The following RAB11FIP3 variants were observed in gnomAD, a reference collection of about 807,000 sequenced individuals.
RAB11FIP3 encodes the protein RAB11 family interacting protein 3.
A neutral mutation model predicts 77.8 loss-of-function variants in RAB11FIP3; 17 were observed. The observed-to-expected ratio is 0.22, with a 90% CI of 0.15 to 0.33. The LOEUF (loss-of-function observed/expected upper bound fraction) is 0.33. Ranked by LOEUF, RAB11FIP3 falls within the 10% of genes least tolerant of loss-of-function variation. RAB11FIP3 has a pLI of 1.00. For missense variants in RAB11FIP3, 1,005 were observed against 1,011.2 expected (o/e 0.99, Z 0.08); for synonymous variants, 437 against 448.2 (o/e 0.98, Z 0.31).
At chr16:436,149 A>C (rs1226761133) in intron 1 of RAB11FIP3, among the ~76,000 whole-genome samples, 1 of 152,136 alleles carries the variant, frequency 6.6e-6, no homozygotes, top group East Asian at 1.9e-4. Context: ...TCCCTGCTAA[A>C]AGTACAAAAA....
intron 3 of RAB11FIP3, among the ~76,000 whole-genome samples, chr16:480,434 C>T (rs550948258): frequency 2.0e-5 from 3 of 152,006 alleles, no homozygotes; most frequent in Non-Finnish European, 2.9e-5. Flanking sequence ...AAGCCATTCT[C>T]CTGCTTCAGC....
At chr16:432,277 C>T (rs8051181) in intron 1 of RAB11FIP3, among the ~76,000 whole-genome samples, 152,106 of 152,108 alleles carry the variant, frequency 1, 76,052 homozygotes, top group Non-Finnish European at 1. Context: ...CTTCAGAGGT[C>T]GAGGCAGGAG....
chr16:452,108 G>A (rs189550599), intron 1 of RAB11FIP3, among the ~76,000 whole-genome samples: 3 of 151,866 alleles, frequency 2.0e-5, no homozygotes, highest in East Asian at 1.9e-4. Context: ...TTGAGATCGC[G>A]CCACTGTACT....
intron 2 of RAB11FIP3, among the ~76,000 whole-genome samples, chr16:468,593 G>C (rs541264152): frequency 6.6e-6 from 1 of 152,074 alleles, no homozygotes; most frequent in African/African-American, 2.4e-5. Context: ...CCCTGTCTGC[G>C]TCGAGGAGTG....
chr16:431,699 GAC>G (rs1282390948), intron 1 of RAB11FIP3, among the ~76,000 whole-genome samples: 2 of 151,684 alleles, frequency 1.3e-5, no homozygotes, highest in Non-Finnish European at 2.9e-5. Flanking sequence ...CACAGACATA[GAC>G]ACACAGGTGA....
At position 519,771 on chromosome 16, in the gene RAB11FIP3, G is replaced by A; in HGVS notation, c.1740G>A (p.Leu580=). The A allele has an allele frequency of 6.2e-7, 1 of 1,612,736 alleles. No homozygotes were observed. Among genetic ancestry groups the A allele is most frequent in the Non-Finnish European group, 8.5e-7 (1 of 1,179,698 alleles). ...ERLEEEKQKL[L]DEIESLTLRL... ...CCCTGCAGGAGAAGCAGAAGCTGTT[G>A]GATGAGATAGAGTCGCTGACGCTGC... Residue 580 remains leucine, a synonymous_variant, in exon 11 of 14, where the codon TTG becomes TTA. Coordinates refer to ENST00000262305, the MANE Select transcript of RAB11FIP3 (RefSeq NM_014700.4).
chr16:488,980 C>A lies in RAB11FIP3; in HGVS notation c.1245C>A (p.Asp415Glu). 1 of 1,613,886 alleles carries A rather than the reference C, an allele frequency of 6.2e-7. No homozygotes were observed. The highest frequency in any genetic ancestry group is 8.5e-7 in the Non-Finnish European group (1 of 1,179,916). Reference sequence around the variant, plus strand: ...GCAACGGGCAGCTGGGCTGCAGTGACCCCGCTTTCCTCACGCCCAGGTAAT... The same window carrying A: ...GCAACGGGCAGCTGGGCTGCAGTGAACCCGCTTTCCTCACGCCCAGGTAAT... ...TLCNGQLGCSDPAFLTPSPTK... is the reference protein window; with the variant it reads ...TLCNGQLGCSEPAFLTPSPTK... The change falls in exon 5 of 14, where the codon GAC becomes GAA. Residue 415 changes from aspartate (D) to glutamate (E), a missense_variant. By Grantham distance (45) the Asp-to-Glu change is conservative. Transcript: ENST00000262305.
rs745932166 is a variant in RAB11FIP3 at position 488,880 on chromosome 16, C to T, written c.1145C>T (p.Thr382Met). The T allele has an allele frequency of 1.2e-5, 20 of 1,613,944 alleles. No individual in the cohort carries two copies. The highest frequency in any genetic ancestry group is 5.0e-5 in the Admixed American group (3 of 59,994). Residue 382 changes from threonine to methionine, a missense_variant, in exon 5 of 14, where the codon ACG becomes ATG. Transcript: ENST00000262305. ...RPHPHGQSVI[T>M]VIGGEEHFED... ...CACCCCCATGGCCAGTCTGTCATCACGGTGATCGGGGGCGAGGAGCACTTT... is the reference window on the plus strand; with the variant it reads ...CACCCCCATGGCCAGTCTGTCATCATGGTGATCGGGGGCGAGGAGCACTTT...
At chr16:517,512 G>T (rs915430334) in intron 9 of RAB11FIP3, among the ~76,000 whole-genome samples, 1 of 151,998 alleles carries the variant, frequency 6.6e-6, no homozygotes. Context: ...GGGCTGCAGT[G>T]AGCTGAGATT....
intron 2 of RAB11FIP3, among the ~76,000 whole-genome samples, chr16:468,486 A>T (rs967638571): frequency 2.4e-4 from 36 of 152,080 alleles, no homozygotes; most frequent in Non-Finnish European, 4.3e-4. Flanking sequence ...TAGCATTTAG[A>T]AGAAAGGAAA....
intron 3 of RAB11FIP3, among the ~76,000 whole-genome samples, chr16:475,498 G>A (rs144765153): frequency 1.3e-5 from 2 of 152,310 alleles, no homozygotes; most frequent in African/African-American, 2.4e-5. Context: ...AGCAGGCACC[G>A]TGCTCTGAGG....
At chr16:485,548 G>T (rs1284104153) in intron 4 of RAB11FIP3, among the ~76,000 whole-genome samples, 2 of 152,148 alleles carry the variant, frequency 1.3e-5, no homozygotes, top group Non-Finnish European at 2.9e-5. Flanking sequence ...AGGTAGCTGG[G>T]ATTACAGGCA....
In RAB11FIP3 at chr16:492,467, C is replaced by T. The variant is rs1283593821; in HGVS notation, c.1265+3467C>T. ...CCGCCCAGGGCCCTTCCCGGGGAGA[C>T]CCGAGGCCGCCCAGGGCCCTCCCGG... On this transcript the variant is annotated intron_variant, in intron 5 of 13. Transcript: ENST00000262305. Among the ~76,000 whole-genome samples the T allele has an allele frequency of 2.4e-4, 28 of 119,078 alleles. 1 individual carries two copies. Among genetic ancestry groups the T allele is most frequent in the Non-Finnish European group, 4.4e-4 (22 of 50,308 alleles). 78.1% of individuals were successfully genotyped at this position (119,078 alleles called of 152,430 possible).
At chr16:449,799 A>C (rs1348822040) in intron 1 of RAB11FIP3, among the ~76,000 whole-genome samples, 1 of 151,990 alleles carries the variant, frequency 6.6e-6, no homozygotes, top group Non-Finnish European at 1.5e-5. Flanking sequence ...TAAAAATACA[A>C]AATTAGCCGT....
chr16:512,242 T>C (rs1190558918), intron 9 of RAB11FIP3, among the ~76,000 whole-genome samples: 1 of 94,420 alleles, frequency 1.1e-5, no homozygotes, highest in Admixed American at 1.1e-4. Flanking sequence ...TTTTTTTGGG[T>C]GGGGGTGGGT....
At chr16:491,285 T>G (rs1478364821) in intron 5 of RAB11FIP3, 1 of 1,301,038 alleles carries the variant, frequency 7.7e-7, no homozygotes, top group African/African-American at 1.5e-5. Context: ...GACCAGCGCC[T>G]GGCCTTGCTG....
Position 520,598 on chromosome 16 carries a change from A to G in RAB11FIP3, c.2156A>G (p.Glu719Gly). 2 of 1,613,134 alleles carry G rather than the reference A, an allele frequency of 1.2e-6. No individual in the cohort carries two copies. Among genetic ancestry groups the G allele is most frequent in the Non-Finnish European group, 8.5e-7 (1 of 1,179,798 alleles). Residue 719 changes from glutamate to glycine, a missense_variant and splice_region_variant, in exon 13 of 14, where the codon GAG becomes GGG. Transcript: ENST00000262305. ...AAEISSVSRD[E>G]LMEAIQKQEE... The stretch of plus-strand genomic sequence containing the variant: ...GAGATCAGCTCCGTCTCCCGAGATG[A>G]GGTAACACATCCCGTGTCTGCACGG...
At chr16:510,103 C>T (rs1273038942) in intron 8 of RAB11FIP3, among the ~76,000 whole-genome samples, 1 of 150,050 alleles carries the variant, frequency 6.7e-6, no homozygotes, top group Non-Finnish European at 1.5e-5. Context: ...CGCCCCGTCC[C>T]GAGTCCCCGT....
chr16:476,768 C>A (rs1472949392), intron 3 of RAB11FIP3, among the ~76,000 whole-genome samples: 4 of 141,724 alleles, frequency 2.8e-5, no homozygotes, highest in Non-Finnish European at 6.1e-5. Context: ...CAGAGCAAGA[C>A]TCTGTCTCAA....
Sources: allele counts gnomAD v4.1 joint callset (sites outside exome capture counted in the v4.1 genomes callset), GRCh38; gene constraint gnomAD v4.1.1; transcripts MANE v1.5; gene names NCBI Gene and HGNC (gene_info 2026-07-23, HGNC 2026-07-21).